The following CNTN3 variants were observed in gnomAD, a reference collection of about 807,000 sequenced individuals.
CNTN3 encodes contactin-3.
A neutral mutation model predicts 119.1 loss-of-function variants in CNTN3; 60 were observed. The ratio of observed to expected loss-of-function variants is 0.50; its 90% CI spans 0.41 to 0.62. The LOEUF (loss-of-function observed/expected upper bound fraction) is 0.62, where lower values mean the gene tolerates loss of function less well. CNTN3 is among the 20% of genes least tolerant of loss of function. CNTN3 has a pLI of 0.00. For synonymous variants in CNTN3, 450 were observed against 438.7 expected, an observed-to-expected ratio of 1.03 and a Z score of -0.32; for missense variants, 1,101 against 1,242.4, an observed-to-expected ratio of 0.89 and a Z score of 1.71.
rs912617181 is a variant in CNTN3, at chr3:74,485,045, T to C, written c.358+1411A>G. On this transcript the variant is annotated intron_variant, in intron 4 of 22. Transcript: ENST00000263665. ...TGCCAGGTAAAACATGGATACATCA[T>C]AGATTTTGCCAAAATTCTAGTTAAC... 3.3e-5 allele frequency among the ~76,000 whole-genome samples: 5 copies of C among 152,160 alleles called. No homozygotes were observed. In the South Asian group the frequency reaches 8.3e-4, roughly 25 times the overall value.
At chr3:74,324,699 A>C (rs1351076742) in intron 13 of CNTN3, among the ~76,000 whole-genome samples, 1 of 152,154 alleles carries the variant, frequency 6.6e-6, no homozygotes, top group Non-Finnish European at 1.5e-5. Flanking sequence ...GTCTCTCCTC[A>C]AATTCTCCTA....
chr3:74,577,412 A>T (rs982972280), intron 1 of CNTN3, among the ~76,000 whole-genome samples: 1 of 152,156 alleles, frequency 6.6e-6, no homozygotes, highest in Non-Finnish European at 1.5e-5. Flanking sequence ...TTATTCTATT[A>T]TACTTTCTCA....
chr3:74,460,185 C>T (rs1702339671), intron 4 of CNTN3, among the ~76,000 whole-genome samples: 2 of 152,008 alleles, frequency 1.3e-5, no homozygotes, highest in African/African-American at 2.4e-5. Context: ...TTAATATCTG[C>T]TCAAGTGATT....
chr3:74,384,949 G>A (rs981721374), intron 5 of CNTN3, among the ~76,000 whole-genome samples: 4 of 151,994 alleles, frequency 2.6e-5, no homozygotes, highest in African/African-American at 9.7e-5. Flanking sequence ...AATTCAATTA[G>A]TTGATCTTCC....
intron 1 of CNTN3, among the ~76,000 whole-genome samples, chr3:74,536,285 G>A (rs1703764351): frequency 6.6e-6 from 1 of 151,982 alleles, no homozygotes; most frequent in African/African-American, 2.4e-5. Flanking sequence ...GGCCACAGAA[G>A]CCTCCCCTCA....
chr3:74,374,750 C>A (rs1704435212), intron 5 of CNTN3, among the ~76,000 whole-genome samples: 1 of 152,128 alleles, frequency 6.6e-6, no homozygotes, highest in Non-Finnish European at 1.5e-5. Flanking sequence ...CAGCCCTAAA[C>A]CTTCATATAA....
intron 13 of CNTN3, among the ~76,000 whole-genome samples, chr3:74,309,331 C>T (rs930579616): frequency 1.3e-5 from 2 of 152,076 alleles, no homozygotes; most frequent in African/African-American, 2.4e-5. Context: ...TCTTGAACTC[C>T]TGACCTCAAG....
intron 3 of CNTN3, among the ~76,000 whole-genome samples, chr3:74,492,870 T>A (rs371477406): frequency 1.3e-5 from 2 of 152,140 alleles, no homozygotes; most frequent in Non-Finnish European, 2.9e-5. Context: ...TTTCAAAGTA[T>A]GTAAACTCCA....
intron 12 of CNTN3, among the ~76,000 whole-genome samples, chr3:74,335,892 C>T (rs1279372108): frequency 2.6e-5 from 4 of 152,088 alleles, no homozygotes; most frequent in Admixed American, 6.6e-5. Flanking sequence ...TTCTGATCAT[C>T]CTGTTGCTAA....
chr3:74,482,163 T>C (rs1002609666), intron 4 of CNTN3, among the ~76,000 whole-genome samples: 3 of 151,850 alleles, frequency 2.0e-5, no homozygotes, highest in African/African-American at 7.3e-5. Context: ...AAAATAACTT[T>C]GAAAGTAAAG....
intron 1 of CNTN3, among the ~76,000 whole-genome samples, chr3:74,557,503 G>A (rs570083011): frequency 1.3e-5 from 2 of 152,114 alleles, no homozygotes; most frequent in African/African-American, 4.8e-5. Flanking sequence ...GTCTTCAACA[G>A]GTAGGACATA....
intron 13 of CNTN3, among the ~76,000 whole-genome samples, chr3:74,309,583 T>A (rs976075159): frequency 2.6e-5 from 4 of 152,100 alleles, no homozygotes; most frequent in Non-Finnish European, 5.9e-5. Flanking sequence ...CTAGGTCACA[T>A]CCAGAACAAT....
intron 1 of CNTN3, among the ~76,000 whole-genome samples, chr3:74,566,736 G>A (rs765117229): frequency 6.6e-6 from 1 of 152,112 alleles, no homozygotes; most frequent in African/African-American, 2.4e-5. Flanking sequence ...AACAATCACA[G>A]GTACAGGGCA....
chr3:74,481,648 G>A (rs887804999), intron 4 of CNTN3, among the ~76,000 whole-genome samples: 1 of 151,556 alleles, frequency 6.6e-6, no homozygotes, highest in Admixed American at 6.6e-5. Context: ...TATCAGAAGA[G>A]AATAAAGTAT....
intron 4 of CNTN3, among the ~76,000 whole-genome samples, chr3:74,477,013 A>G (rs529650096): frequency 4.8e-4 from 73 of 152,262 alleles, no homozygotes; most frequent in African/African-American, 1.7e-3. Context: ...GGATAAGCAA[A>G]AGTGGAAGAC....
At chr3:74,425,464 C>A (rs1271416938) in intron 4 of CNTN3, among the ~76,000 whole-genome samples, 1 of 152,066 alleles carries the variant, frequency 6.6e-6, no homozygotes, top group Non-Finnish European at 1.5e-5. Context: ...TCTAGAAATT[C>A]AGCAATACAA....
chr3:74,565,082 G>T (rs1038417218), intron 1 of CNTN3, among the ~76,000 whole-genome samples: 1 of 152,072 alleles, frequency 6.6e-6, no homozygotes, highest in African/African-American at 2.4e-5. Context: ...AAAAGACATG[G>T]GTGGAGAACA....
intron 14 of CNTN3, among the ~76,000 whole-genome samples, chr3:74,302,365 A>T (rs1702477721): frequency 6.6e-6 from 1 of 152,158 alleles, no homozygotes; most frequent in Admixed American, 6.6e-5. Flanking sequence ...CCAAATCCTG[A>T]TTATTTTGGA....
At chr3:74,294,302 C>G (rs907049987) in intron 19 of CNTN3, among the ~76,000 whole-genome samples, 1 of 152,214 alleles carries the variant, frequency 6.6e-6, no homozygotes, top group Non-Finnish European at 1.5e-5. Flanking sequence ...TTTCCTCTAA[C>G]TGCTCACTAC....
Sources: allele counts gnomAD v4.1 joint callset (sites outside exome capture counted in the v4.1 genomes callset), GRCh38; gene constraint gnomAD v4.1.1; transcripts MANE v1.5; gene names NCBI Gene and HGNC (gene_info 2026-07-23, HGNC 2026-07-21).